The following SOX5 variants were observed in gnomAD, a reference collection of about 807,000 sequenced individuals.
The protein encoded by SOX5 is SRY-box transcription factor 5.
Under a neutral mutation model 92.0 loss-of-function variants are expected in SOX5, and 9 were observed. The ratio of observed to expected loss-of-function variants is 0.10; its 90% CI spans 0.06 to 0.17. The LOEUF (loss-of-function observed/expected upper bound fraction) is 0.17. Among genes scored for constraint, SOX5 ranks in the 10% least tolerant of loss-of-function variants. The probability of loss-of-function intolerance (pLI) is 1.00; values close to 1 mark genes in which losing one functional copy is unlikely to be tolerated. For synonymous variants in SOX5, 344 were observed against 336.3 expected (o/e 1.02, Z -0.25); for missense variants, 642 against 944.5 (o/e 0.68, Z 4.20).
At chr12:23,639,232 G>T (rs2079700788) in intron 8 of SOX5, among the ~76,000 whole-genome samples, 1 of 151,966 alleles carries the variant, frequency 6.6e-6, no homozygotes, top group Non-Finnish European at 1.5e-5. Context: ...ATCTCATATA[G>T]TATAAAAATA....
At chr12:24,342,958 T>C (rs879762782) in intron 2 of SOX5, among the ~76,000 whole-genome samples, 1 of 152,274 alleles carries the variant, frequency 6.6e-6, no homozygotes, top group Admixed American at 6.5e-5. Context: ...TCACCAAGTA[T>C]GTCGCTAAAT....
chr12:24,402,032 A>C (rs1961832040), intron 1 of SOX5, among the ~76,000 whole-genome samples: 2 of 152,194 alleles, frequency 1.3e-5, no homozygotes, highest in Non-Finnish European at 2.9e-5. Context: ...CTACCCCCTG[A>C]AAATAGATGC....
intron 4 of SOX5, among the ~76,000 whole-genome samples, chr12:23,956,065 A>G (rs1946245503): frequency 6.6e-6 from 1 of 152,184 alleles, no homozygotes; most frequent in African/African-American, 2.4e-5. Flanking sequence ...CAGAGGAGAA[A>G]TGAGAGTTAA....
chr12:24,197,395 A>T (rs1316918668), intron 4 of SOX5, among the ~76,000 whole-genome samples: 1 of 152,192 alleles, frequency 6.6e-6, no homozygotes, highest in Non-Finnish European at 1.5e-5. Context: ...GGTTGACTTT[A>T]AATTAAAAAA....
chr12:24,440,426 G>C (rs1402205336), intron 1 of SOX5, among the ~76,000 whole-genome samples: 1 of 152,094 alleles, frequency 6.6e-6, no homozygotes, highest in African/African-American at 2.4e-5. Flanking sequence ...TTCCCTACTA[G>C]TTGTGAAAGT....
At position 23,662,952 on chromosome 12, in the gene SOX5, T is replaced by C. The variant is rs185971376; in HGVS notation, c.931+2492A>G. 7.2e-5 allele frequency among the ~76,000 whole-genome samples: 11 copies of C among 152,292 alleles called. No homozygotes were observed. The East Asian group carries it at 1.9e-3, about 27-fold the overall frequency. The stretch of plus-strand genomic sequence containing the variant: ...AAGACTATGTAATAAAGTGAAATAA[T>C]TGGCAACCGGAAAAGTCACAAATGG... On this transcript the variant is annotated intron_variant, in intron 7 of 14. Transcript: ENST00000451604.
chr12:24,176,221 T>C (rs1206495000), intron 4 of SOX5, among the ~76,000 whole-genome samples: 2 of 151,792 alleles, frequency 1.3e-5, no homozygotes, highest in East Asian at 3.9e-4. Flanking sequence ...CTCTGATACT[T>C]GGGAGGCTGA....
intron 3 of SOX5, among the ~76,000 whole-genome samples, chr12:24,253,447 G>C (rs996947231): frequency 6.6e-6 from 1 of 151,978 alleles, no homozygotes. Context: ...AGACACCATT[G>C]ATCCTTATTC....
intron 11 of SOX5, among the ~76,000 whole-genome samples, chr12:23,550,643 TG>T (rs1944023351): frequency 6.6e-6 from 1 of 151,936 alleles, no homozygotes; most frequent in South Asian, 2.1e-4. Flanking sequence ...TTCCCCTCTT[TG>T]TCTATCATTT....
chr12:24,174,820 C>CA (rs35846392), intron 4 of SOX5, among the ~76,000 whole-genome samples: 5,341 of 142,154 alleles, frequency 0.038, 111 homozygotes, highest in South Asian at 0.074. Context: ...ACTTCCATCT[C>CA]AAAAAAAAAA....
At chr12:24,468,671 C>T (rs958966048) in intron 1 of SOX5, among the ~76,000 whole-genome samples, 1 of 152,080 alleles carries the variant, frequency 6.6e-6, no homozygotes, top group African/African-American at 2.4e-5. Flanking sequence ...TCTAGTCTCA[C>T]GGTGCTTAAA....
At chr12:24,271,042 T>C (rs1027846736) in intron 3 of SOX5, among the ~76,000 whole-genome samples, 13 of 152,246 alleles carry the variant, frequency 8.5e-5, no homozygotes, top group African/African-American at 3.1e-4. Flanking sequence ...CTAGGAATAA[T>C]AAAATTGCTA....
chr12:24,280,317 C>T (rs1013925275), intron 2 of SOX5, among the ~76,000 whole-genome samples: 2 of 152,006 alleles, frequency 1.3e-5, no homozygotes, highest in African/African-American at 2.4e-5. Flanking sequence ...CGTGAAATTG[C>T]GTTAAGAAAC....
intron 5 of SOX5, 101 bp downstream of exon 5, chr12:23,740,766 A>G (rs2140996137): frequency 1.0e-6 from 1 of 977,438 alleles, no homozygotes; most frequent in African/African-American, 1.6e-5. Flanking sequence ...GGGGAGGTGG[A>G]AGGGACTCTT....
At chr12:23,948,561 A>G (rs1299995916) in intron 1 of SOX5, among the ~76,000 whole-genome samples, 2 of 151,852 alleles carry the variant, frequency 1.3e-5, no homozygotes, top group African/African-American at 4.8e-5. Context: ...CATGAAAATG[A>G]AAAAAAGCCT....
chr12:23,951,294 A>G (rs1945590515), upstream of SOX5, among the ~76,000 whole-genome samples: 1 of 150,382 alleles, frequency 6.6e-6, no homozygotes, highest in Admixed American at 6.6e-5. Context: ...TAAAAGCCAG[A>G]CTCCCTGTTC....
intron 1 of SOX5, among the ~76,000 whole-genome samples, chr12:24,441,236 A>G (rs574348070): frequency 6.6e-6 from 1 of 152,330 alleles, no homozygotes; most frequent in East Asian, 1.9e-4. Context: ...GCACAAAACA[A>G]ATAACCCTCT....
intron 2 of SOX5, among the ~76,000 whole-genome samples, chr12:24,363,801 TATGGAAC>T (rs1235961108): frequency 6.6e-6 from 1 of 151,860 alleles, no homozygotes; most frequent in Non-Finnish European, 1.5e-5. Context: ...TTAGAATACC[TATGGAAC>T]ATCTCTGGAA....
Position 23,779,983 on chromosome 12 carries a change from G to A in SOX5, c.482-24259C>T, listed in dbSNP as rs2141733499. On this transcript the variant is annotated intron_variant, in intron 3 of 14. Transcript: ENST00000451604. Reference sequence around the variant, plus strand: ...TGTGTGTGTGTGTGTGTGTGTGTGTGTGTGTGTATTTGAGTCTAAGGTTCT... The same window carrying A: ...TGTGTGTGTGTGTGTGTGTGTGTGTATGTGTGTATTTGAGTCTAAGGTTCT... Among the ~76,000 whole-genome samples, 4 of 148,600 alleles carry A rather than the reference G, an allele frequency of 2.7e-5. No individual in the cohort carries two copies. In the Admixed American group the frequency reaches 2.7e-4, roughly 10 times the overall value.
Sources: gnomAD v4.1 joint callset for allele counts (sites outside exome capture counted in the v4.1 genomes callset) on GRCh38, gnomAD v4.1.1 for gene constraint, MANE v1.5 for transcripts, NCBI Gene and HGNC (gene_info 2026-07-23, HGNC 2026-07-21) for gene names.